The following RTN3 variants were observed in gnomAD, a reference collection of about 807,000 sequenced individuals.
The protein encoded by RTN3 is reticulon 3.
RTN3 carries 49 observed loss-of-function variants against 77.8 expected under a neutral mutation model. The observed-to-expected ratio is 0.63, with a 90% CI of 0.50 to 0.80. RTN3 has a LOEUF of 0.80. Among genes scored for constraint, RTN3 ranks in the 30% least tolerant of loss-of-function variants. RTN3 has a pLI of 0.00. For missense variants in RTN3, 1,236 were observed against 1,211.9 expected (o/e 1.02, Z -0.29); for synonymous variants, 464 against 446.9 (o/e 1.04, Z -0.48).
chr11:63,723,260 C>T (rs900284583), intron 3 of RTN3, among the ~76,000 whole-genome samples: 1 of 151,914 alleles, frequency 6.6e-6, no homozygotes, highest in Admixed American at 6.6e-5. Context: ...AGTTTAAAGG[C>T]CTTTCTTGCA....
chr11:63,750,940 G>A (rs768189680), intron 4 of RTN3, among the ~76,000 whole-genome samples: 2 of 151,822 alleles, frequency 1.3e-5, no homozygotes, highest in Admixed American at 6.6e-5. Context: ...CACCATGTTC[G>A]GCAGGATGGT....
At chr11:63,696,881 C>CT (rs1193148114) in intron 1 of RTN3, among the ~76,000 whole-genome samples, 5 of 16,522 alleles carry the variant, frequency 3.0e-4, no homozygotes, top group African/African-American at 1.0e-3. Flanking sequence ...TTCTTTCTTT[C>CT]TTTTTTTTTT....
intron 7 of RTN3, among the ~76,000 whole-genome samples, 175 bp from the exon 8 acceptor site, chr11:63,755,937 C>T (rs2014359439): frequency 1.3e-5 from 2 of 150,700 alleles, no homozygotes; most frequent in East Asian, 1.9e-4. Context: ...CCACCCTGGG[C>T]GAGAGCGAGG....
rs1460820420 is a variant in RTN3, at chr11:63,681,539, G to A, written c.-98G>A. 5.5e-6 allele frequency: 7 copies of A among 1,275,828 alleles called. No homozygotes were observed. The highest frequency in any genetic ancestry group is 7.5e-6 in the Non-Finnish European group (7 of 936,652). The allele number at this position is 1,275,828 out of a possible 1,614,324, so 79.0% of individuals were successfully genotyped here. A position where few individuals can be genotyped will look rare whatever the true frequency, so the allele number is the denominator to read the frequency against. ...TGTCCTCGGAGCAGGCGGAGTAAAGGGACTTGAGCGAGCCAGTTGCCGGAT... is the reference window on the plus strand; with the variant it reads ...TGTCCTCGGAGCAGGCGGAGTAAAGAGACTTGAGCGAGCCAGTTGCCGGAT... On this transcript the variant is annotated 5_prime_UTR_variant, in exon 1 of 9. Coordinates refer to ENST00000377819, the MANE Select transcript of RTN3 (RefSeq NM_001265589.2).
intron 3 of RTN3, among the ~76,000 whole-genome samples, chr11:63,725,931 G>T (rs2012229969): frequency 6.6e-6 from 1 of 152,118 alleles, no homozygotes; most frequent in African/African-American, 2.4e-5. Context: ...AAACTACATT[G>T]TTCAGCACCC....
intron 6 of RTN3, 51 bp downstream of exon 6, chr11:63,753,189 A>G (rs756840117): frequency 1.3e-6 from 2 of 1,545,042 alleles, no homozygotes; most frequent in Admixed American, 3.4e-5. Context: ...GTTTGTAAGA[A>G]TAAGAGTGAA....
Position 63,720,960 on chromosome 11 carries a change from G to T in RTN3, c.2458G>T (p.Ala820Ser). ...ITIRETTRVD[A>S]VSSLSKTELV... ...TATCAGAGAAACTACTAGGGTAGATGCTGTTTCCAGCCTTAGCAAGACTGA... is the reference window on the plus strand; with the variant it reads ...TATCAGAGAAACTACTAGGGTAGATTCTGTTTCCAGCCTTAGCAAGACTGA... Residue 820 changes from alanine to serine, a missense_variant, in exon 3 of 9, where the codon GCT (alanine) becomes TCT (serine). Ala to Ser is a moderately conservative substitution (Grantham distance 99). Around this residue, in one of 3 missense-constraint regions of RTN3, gnomAD observed 1,056 missense variants for 990.4 expected, o/e 1.07. Coordinates refer to ENST00000377819, the MANE Select transcript of RTN3 (RefSeq NM_001265589.2). 1 of 1,613,940 alleles carries T rather than the reference G, an allele frequency of 6.2e-7. No homozygotes were observed. Among genetic ancestry groups the T allele is most frequent in the South Asian group, 1.1e-5 (1 of 91,078 alleles).
At position 63,681,646 on chromosome 11, in the gene RTN3, C is replaced by A. The variant is rs757073343; in HGVS notation, c.10C>A (p.Pro4Thr). The A allele has an allele frequency of 1.9e-6, 3 of 1,592,684 alleles. No homozygotes were observed. Among genetic ancestry groups the A allele is most frequent in the Non-Finnish European group, 2.6e-6 (3 of 1,168,282 alleles). The change falls in exon 1 of 9, where the codon CCG becomes ACG. Residue 4 changes from proline to threonine, a missense_variant. Coordinates refer to ENST00000377819, the MANE Select transcript of RTN3 (RefSeq NM_001265589.2). ...CCTCGCTCGCGTAGCCATGGCGGAG[C>A]CGTCGGCGGCCACTCAGTCCCATTC... Reference protein sequence around the residue: MAEPSAATQSHSIS... With the variant: MAETSAATQSHSIS...
chr11:63,725,807 G>C (rs1213634239), intron 3 of RTN3, among the ~76,000 whole-genome samples: 2 of 152,096 alleles, frequency 1.3e-5, no homozygotes, highest in African/African-American at 4.8e-5. Context: ...TATTTCCCCA[G>C]CGTTAGGGTG....
intron 2 of RTN3, among the ~76,000 whole-genome samples, chr11:63,716,139 A>G (rs2011385059): frequency 6.6e-6 from 1 of 152,210 alleles, no homozygotes; most frequent in African/African-American, 2.4e-5. Context: ...TTACAGTTAT[A>G]CTATTTCTAA....
chr11:63,688,148 G>A (rs931562261), intron 1 of RTN3, among the ~76,000 whole-genome samples: 2 of 151,872 alleles, frequency 1.3e-5, no homozygotes, highest in African/African-American at 4.8e-5. Flanking sequence ...AGCAAGAATG[G>A]TCATGTCAAT....
At chr11:63,694,362 G>T (rs1941824173) in intron 1 of RTN3, among the ~76,000 whole-genome samples, 1 of 152,080 alleles carries the variant, frequency 6.6e-6, no homozygotes. Flanking sequence ...TTTTAGTAGA[G>T]ACGGGGTTTC....
In RTN3 at chr11:63,720,209, T is replaced by A; in HGVS notation, c.1707T>A (p.Pro569=). 6.2e-7 allele frequency: 1 copy of A among 1,614,088 alleles called. No homozygotes were observed. The highest frequency in any genetic ancestry group is 8.5e-7 in the Non-Finnish European group (1 of 1,179,972). The change falls in exon 3 of 9, where the codon CCT becomes CCA. Residue 569 remains proline, a synonymous_variant. Transcript: ENST00000377819. ...VSDSELHQDQ[P]DILGRSPASE... is the part of the protein sequence containing the mutation. The stretch of plus-strand genomic sequence containing the variant: ...ACTCTGAGCTGCATCAAGATCAGCC[T>A]GATATTCTTGGAAGGAGTCCAGCTA...
intron 3 of RTN3, among the ~76,000 whole-genome samples, chr11:63,744,231 ACT>A (rs2013660952): frequency 1.1e-5 from 1 of 93,232 alleles, no homozygotes; most frequent in Non-Finnish European, 1.9e-5. Context: ...ACAGAGCAAG[ACT>A]CTGTCTCAAA....
intron 3 of RTN3, among the ~76,000 whole-genome samples, chr11:63,727,822 A>G (rs2012390810): frequency 6.6e-6 from 1 of 152,180 alleles, no homozygotes; most frequent in Non-Finnish European, 1.5e-5. Context: ...CAGGAGAGGA[A>G]AGTGAGAGAG....
chr11:63,738,511 A>G (rs1408819378), intron 3 of RTN3, among the ~76,000 whole-genome samples: 2 of 151,860 alleles, frequency 1.3e-5, no homozygotes, highest in Admixed American at 6.6e-5. Context: ...GCATGGTGGC[A>G]TGTACCTGTA....
chr11:63,685,192 C>T (rs555999942), intron 1 of RTN3, among the ~76,000 whole-genome samples: 1 of 152,066 alleles, frequency 6.6e-6, no homozygotes, highest in South Asian at 2.1e-4. Flanking sequence ...TAAAAGTTTA[C>T]CTTAAGATAC....
chr11:63,732,553 G>C (rs919093608), intron 3 of RTN3, among the ~76,000 whole-genome samples: 2 of 151,294 alleles, frequency 1.3e-5, no homozygotes, highest in African/African-American at 2.4e-5. Flanking sequence ...TTTCCATTCA[G>C]ATCCTACAGA....
chr11:63,727,537 G>C (rs879626217), intron 3 of RTN3, among the ~76,000 whole-genome samples: 1 of 152,196 alleles, frequency 6.6e-6, no homozygotes, highest in East Asian at 1.9e-4. Context: ...TTAAAATTCA[G>C]CAGGTGACCT....
Sources: allele counts gnomAD v4.1 joint callset (sites outside exome capture counted in the v4.1 genomes callset), GRCh38; gene constraint gnomAD v4.1.1; regional missense constraint gnomAD v4.1.1; transcripts MANE v1.5; gene names NCBI Gene and HGNC (gene_info 2026-07-23, HGNC 2026-07-21).